The following MYOM1 variants were observed in gnomAD, a reference collection of about 807,000 sequenced individuals.
The protein encoded by MYOM1 is myomesin-1.
A neutral mutation model predicts 205.3 loss-of-function variants in MYOM1; 164 were observed. The ratio of observed to expected loss-of-function variants is 0.80; its 90% CI spans 0.70 to 0.91. The LOEUF (loss-of-function observed/expected upper bound fraction) is 0.91. MYOM1 is among the 40% of genes least tolerant of loss of function. The probability of loss-of-function intolerance (pLI) is 0.00; values close to 1 mark genes in which losing one functional copy is unlikely to be tolerated. For synonymous variants in MYOM1, 772 were observed against 789.4 expected, an observed-to-expected ratio of 0.98 and a Z score of 0.37; for missense variants, 2,011 against 2,127.3, an observed-to-expected ratio of 0.95 and a Z score of 1.08.
chr18:3,206,868 A>T (rs1040465155), intron 2 of MYOM1, among the ~76,000 whole-genome samples: 5 of 152,204 alleles, frequency 3.3e-5, no homozygotes, highest in South Asian at 2.1e-4. Context: ...ATTTACTGAC[A>T]GGTAGCGTCA....
chr18:3,167,926 C>T lies in MYOM1; in HGVS notation c.1339+891G>A, dbSNP rs375282226. ...AGTGAGATTGAATTGTGATTTAAAG[C>T]CAGAGTCAGAGGAACTGACAATGGA... On this transcript the variant is annotated intron_variant, in intron 9 of 37. Transcript: ENST00000356443. Among the ~76,000 whole-genome samples, 135 of 152,296 alleles carry T rather than the reference C, an allele frequency of 8.9e-4. 1 individual carries two copies. The South Asian group carries it at 0.023, about 26-fold the overall frequency.
At chr18:3,197,789 C>T (rs4539700) in intron 2 of MYOM1, among the ~76,000 whole-genome samples, 24,128 of 151,444 alleles carry the variant, frequency 0.16, 2,043 homozygotes, top group Non-Finnish European at 0.2. Flanking sequence ...AGGAGAATGG[C>T]GTGAACCTGG....
rs537342288 is a variant in MYOM1, at chr18:3,084,742, G to A, written c.4339+303C>T. 1.3e-5 allele frequency among the ~76,000 whole-genome samples: 2 copies of A among 152,286 alleles called. 1 individual carries two copies. Among genetic ancestry groups the A allele is most frequent in the South Asian group, 4.1e-4 (2 of 4,828 alleles). ...ATTTTTTGTCATGCTTCTCACAGAA[G>A]TTTTTGAGCCTGGAACATTTTTATA... On this transcript the variant is annotated intron_variant, in intron 31 of 37. Coordinates refer to ENST00000356443, the MANE Select transcript of MYOM1 (RefSeq NM_003803.4).
chr18:3,229,907 C>G, the MYOM1 span, among the ~76,000 whole-genome samples: 2 of 129,376 alleles, frequency 1.5e-5, no homozygotes, highest in African/African-American at 5.7e-5. Flanking sequence ...ACCCAGGAGG[C>G]GGAGGTTGCA....
intron 13 of MYOM1, among the ~76,000 whole-genome samples, chr18:3,143,360 T>C (rs780974466): frequency 1.8e-4 from 28 of 152,234 alleles, no homozygotes; most frequent in Admixed American, 8.5e-4. Context: ...CTACGAGAAA[T>C]GTTCAAGGAA....
chr18:3,100,154 C>T lies in MYOM1; in HGVS notation c.3727+5G>A. 6.2e-7 allele frequency: 1 copy of T among 1,613,780 alleles called. No individual in the cohort carries two copies. Among genetic ancestry groups the T allele is most frequent in the Non-Finnish European group, 8.5e-7 (1 of 1,179,864 alleles). On this transcript the variant is annotated splice_donor_5th_base_variant and intron_variant, in intron 25 of 37. Coordinates refer to ENST00000356443, the MANE Select transcript of MYOM1 (RefSeq NM_003803.4). ...AAAACCTGTGAATGTATTGTGGATA[C>T]TTACTTGGGAACTTGTGTTCATGGC...
intron 5 of MYOM1, among the ~76,000 whole-genome samples, chr18:3,177,028 C>T (rs2144101027): frequency 6.6e-6 from 1 of 152,290 alleles, no homozygotes; most frequent in Middle Eastern, 3.4e-3. Flanking sequence ...GGAAGAATCA[C>T]TTGAGGCCAG....
chr18:3,189,144 T>A lies in MYOM1; in HGVS notation c.432-57A>T. 6.7e-7 allele frequency: 1 copy of A among 1,498,258 alleles called. No homozygotes were observed. Among genetic ancestry groups the A allele is most frequent in the Non-Finnish European group, 9.1e-7 (1 of 1,101,472 alleles). The allele number at this position is 1,498,258 out of a possible 1,614,324, so 92.8% of individuals were successfully genotyped here. On this transcript the variant is annotated intron_variant, in intron 3 of 37. Transcript: ENST00000356443. This position sits in a 1 kb window ranked among gnomAD's most constrained non-coding sequence, Gnocchi z 4.8. ...TGTGGATGGCAGTGATAAGATTGAG[T>A]AATTTTACTAAGTTCAAAGTACCAC...
intron 5 of MYOM1, among the ~76,000 whole-genome samples, chr18:3,183,118 A>G (rs1324023798): frequency 2.0e-5 from 3 of 151,856 alleles, no homozygotes; most frequent in African/African-American, 7.3e-5. Context: ...TAGTAGAGAC[A>G]GGGTCTCTCC....
Position 3,188,884 on chromosome 18 carries a change from C to CTGGATGCCGTGGACTGCT in MYOM1, c.617_634dup (p.Lys206_Ser211dup), listed in dbSNP as rs755975362. The stretch of plus-strand genomic sequence containing the variant: ...AGACTGCCTGGATGCCGTGGACTGC[C>CTGGATGCCGTGGACTGCT]TGGATGCCGTGGACTGCTTGGATGC... On this transcript the variant is annotated inframe_insertion, in exon 4 of 38. Coordinates refer to ENST00000356443, the MANE Select transcript of MYOM1 (RefSeq NM_003803.4). 3.1e-6 allele frequency: 5 copies of CTGGATGCCGTGGACTGCT among 1,611,176 alleles called. No individual in the cohort carries two copies. Among genetic ancestry groups the CTGGATGCCGTGGACTGCT allele is most frequent in the South Asian group, 1.1e-5 (1 of 90,918 alleles).
chr18:3,231,429 C>T, the MYOM1 span, among the ~76,000 whole-genome samples: 3 of 151,598 alleles, frequency 2.0e-5, no homozygotes, highest in Non-Finnish European at 4.4e-5. Flanking sequence ...GGAGAACAAA[C>T]ATTTGGCCCA....
chr18:3,212,403 T>G (rs1451530492), intron 2 of MYOM1, among the ~76,000 whole-genome samples: 1 of 152,172 alleles, frequency 6.6e-6, no homozygotes, highest in Non-Finnish European at 1.5e-5. Flanking sequence ...AGCAAATGTT[T>G]TCACAATAAA....
At position 3,067,172 on chromosome 18, in the gene MYOM1, G is replaced by A; in HGVS notation, c.*90C>T. ...TTTCCCCTCAAGCCAGAAAATAATAGGGAGGAGAAAGCATGAAGACGTCTC... is the reference window on the plus strand; with the variant it reads ...TTTCCCCTCAAGCCAGAAAATAATAAGGAGGAGAAAGCATGAAGACGTCTC... On this transcript the variant is annotated 3_prime_UTR_variant, in exon 38 of 38. Coordinates refer to ENST00000356443, the MANE Select transcript of MYOM1 (RefSeq NM_003803.4). 1 of 1,361,796 alleles carries A rather than the reference G, an allele frequency of 7.3e-7. No individual in the cohort carries two copies. The highest frequency in any genetic ancestry group is 9.9e-7 in the Non-Finnish European group (1 of 1,010,708). The allele number at this position is 1,361,796 out of a possible 1,614,324, so 84.4% of individuals were successfully genotyped here.
At chr18:3,226,537 C>T in the MYOM1 span, among the ~76,000 whole-genome samples, 1 of 152,162 alleles carries the variant, frequency 6.6e-6, no homozygotes, top group African/African-American at 2.4e-5. This position sits in a 1 kb window ranked among gnomAD's most constrained non-coding sequence, Gnocchi z 4.6. Flanking sequence ...ACACCTGGTG[C>T]TCCTCTCAGC....
At chr18:3,138,095 A>G (rs2079996169) in intron 14 of MYOM1, among the ~76,000 whole-genome samples, 1 of 151,948 alleles carries the variant, frequency 6.6e-6, no homozygotes, top group South Asian at 2.1e-4. Flanking sequence ...GACGTGGTGT[A>G]TATTTGAGCT....
In MYOM1 at chr18:3,215,119, G is replaced by T. The variant is rs765106452; in HGVS notation, c.105C>A (p.Arg35=). 7 of 1,613,922 alleles carry T rather than the reference G, an allele frequency of 4.3e-6. No individual in the cohort carries two copies. Among genetic ancestry groups the T allele is most frequent in the Non-Finnish European group, 5.9e-6 (7 of 1,179,874 alleles). The change falls in exon 2 of 38, where the codon CGC becomes CGA. Residue 35 remains arginine (R), a synonymous_variant. Transcript: ENST00000356443. ...TVSHYQREKK[R]SAVYTQGSTA... ...TGGAGCCCTGGGTGTAGACGGCGGA[G>T]CGTTTCTTCTCCCGCTGGTAGTGAC...
At chr18:3,175,580 A>T (rs2080626267) in intron 6 of MYOM1, among the ~76,000 whole-genome samples, 1 of 152,214 alleles carries the variant, frequency 6.6e-6, no homozygotes, top group African/African-American at 2.4e-5. Flanking sequence ...GCTGAAGGAA[A>T]GAACATTATC....
chr18:3,114,908 A>C (rs1317792133), intron 21 of MYOM1, among the ~76,000 whole-genome samples: 1 of 152,036 alleles, frequency 6.6e-6, no homozygotes, highest in Non-Finnish European at 1.5e-5. Flanking sequence ...TTTTCTTTTT[A>C]AAAATGAGTG....
chr18:3,241,494 A>G, the MYOM1 span, among the ~76,000 whole-genome samples: 2 of 152,180 alleles, frequency 1.3e-5, no homozygotes, highest in African/African-American at 4.8e-5. Flanking sequence ...GGGGTTTGGG[A>G]AACTCCACCT....
Sources: gnomAD v4.1 joint callset for allele counts (sites outside exome capture counted in the v4.1 genomes callset) on GRCh38, gnomAD v4.1.1 for gene constraint, Gnocchi (gnomAD v3.1) non-coding constraint, MANE v1.5 for transcripts, NCBI Gene and HGNC (gene_info 2026-07-23, HGNC 2026-07-21) for gene names.